The following PDE1A variants were observed in gnomAD, a reference collection of about 807,000 sequenced individuals.
PDE1A encodes the protein dual specificity calcium/calmodulin-dependent 3',5'-cyclic nucleotide phosphodiesterase 1A.
A neutral mutation model predicts 61.7 loss-of-function variants in PDE1A; 35 were observed. The observed-to-expected ratio is 0.57, with a 90% CI of 0.43 to 0.75. The LOEUF is 0.75. Ranked by LOEUF, PDE1A falls within the 30% of genes least tolerant of loss-of-function variation. The probability of loss-of-function intolerance (pLI) is 0.00; values close to 1 mark genes in which losing one functional copy is unlikely to be tolerated. For synonymous variants in PDE1A, 232 were observed against 213.2 expected (o/e 1.09, Z -0.77); for missense variants, 597 against 630.6 (o/e 0.95, Z 0.57).
upstream of PDE1A, among the ~76,000 whole-genome samples, chr2:182,430,007 T>A (rs1005550879): frequency 6.6e-6 from 1 of 152,174 alleles, no homozygotes; most frequent in Non-Finnish European, 1.5e-5. Context: ...ACAAGTTATA[T>A]ATTTTAATGA....
intron 2 of PDE1A, among the ~76,000 whole-genome samples, chr2:182,456,035 A>T (rs779504199): frequency 6.6e-6 from 1 of 152,272 alleles, no homozygotes; most frequent in Middle Eastern, 3.4e-3. Flanking sequence ...TATTCAAATT[A>T]ACTCAAGAAA....
At chr2:182,315,359 G>C (rs1696270432) in intron 1 of PDE1A, among the ~76,000 whole-genome samples, 1 of 152,112 alleles carries the variant, frequency 6.6e-6, no homozygotes, top group Non-Finnish European at 1.5e-5. Flanking sequence ...TGAAGCTATT[G>C]ACACAGAGTT....
At chr2:182,248,183 G>A (rs1574141386) in intron 2 of PDE1A, among the ~76,000 whole-genome samples, 2 of 146,158 alleles carry the variant, frequency 1.4e-5, no homozygotes, top group East Asian at 4.0e-4. Context: ...CTTGAACCCA[G>A]AACCAGAGGT....
intron 2 of PDE1A, among the ~76,000 whole-genome samples, chr2:182,465,958 A>G (rs1447226433): frequency 6.6e-6 from 1 of 152,086 alleles, no homozygotes; most frequent in Admixed American, 6.6e-5. Context: ...AATAAATAAA[A>G]TTACATAAAT....
the PDE1A span, among the ~76,000 whole-genome samples, chr2:182,627,780 T>C: frequency 6.6e-6 from 1 of 151,630 alleles, no homozygotes; most frequent in African/African-American, 2.4e-5. Context: ...CCATCTCTAC[T>C]AAAAATACAA....
chr2:182,416,669 T>G lies in PDE1A; in HGVS notation c.53+9909A>C, dbSNP rs146991902. Among the ~76,000 whole-genome samples, 1,218 of 152,300 alleles carry G rather than the reference T, an allele frequency of 8.0e-3. 7 individuals carry two copies. Among genetic ancestry groups the G allele is most frequent in the Middle Eastern group, 0.024 (7 of 294 alleles). ...AATTAAAGGAGGAGAAAAGACTAGC[T>G]GAAGCACAGTGAATTTCAGAAAAAT... On this transcript the variant is annotated intron_variant, in intron 1 of 13. Coordinates refer to ENST00000351439, the Ensembl canonical transcript of PDE1A.
chr2:182,688,948 T>C, the PDE1A span, among the ~76,000 whole-genome samples: 1 of 152,060 alleles, frequency 6.6e-6, no homozygotes, highest in South Asian at 2.1e-4. Context: ...TACATAATGA[T>C]AAAGGGATCA....
intron 1 of PDE1A, among the ~76,000 whole-genome samples, chr2:182,363,370 T>C (rs924436235): frequency 6.6e-5 from 10 of 151,954 alleles, no homozygotes; most frequent in Middle Eastern, 3.4e-3. Context: ...AGAGAGAATA[T>C]AAATACAATG....
chr2:182,697,917 A>T, the PDE1A span, among the ~76,000 whole-genome samples: 2 of 152,202 alleles, frequency 1.3e-5, no homozygotes, highest in Non-Finnish European at 2.9e-5. Flanking sequence ...AAATCCCACT[A>T]TGTCATTCCA....
At chr2:182,304,057 TG>T (rs1222061768) in intron 1 of PDE1A, among the ~76,000 whole-genome samples, 2 of 152,094 alleles carry the variant, frequency 1.3e-5, no homozygotes, top group Non-Finnish European at 2.9e-5. Flanking sequence ...TGTGCCACCA[TG>T]ACCAGCTAAT....
chr2:182,461,826 C>T (rs79796646), intron 2 of PDE1A, among the ~76,000 whole-genome samples: 1,654 of 152,204 alleles, frequency 0.011, 29 homozygotes, highest in African/African-American at 0.038. Context: ...AAGCCTCATC[C>T]TCATGGTGTA....
chr2:182,682,972 TTTA>T, the PDE1A span, among the ~76,000 whole-genome samples: 4 of 152,336 alleles, frequency 2.6e-5, no homozygotes, highest in Non-Finnish European at 4.4e-5. Flanking sequence ...TTGTGTGAGT[TTTA>T]TGTTTCTAAC....
chr2:182,522,554 A>T, intron 1 of PDE1A: 1 of 1,423,002 alleles, frequency 7.0e-7, no homozygotes, highest in Non-Finnish European at 9.2e-7. Context: ...TGACAGGCAT[A>T]TATCCACTGC....
At chr2:182,488,272 A>G (rs1470339443) in intron 2 of PDE1A, among the ~76,000 whole-genome samples, 69 of 152,338 alleles carry the variant, frequency 4.5e-4, no homozygotes, top group Non-Finnish European at 1.3e-4. Context: ...TAAAATGACT[A>G]TAGCACTTGA....
At chr2:182,575,993 C>T in the PDE1A span, among the ~76,000 whole-genome samples, 3 of 147,932 alleles carry the variant, frequency 2.0e-5, no homozygotes, top group Non-Finnish European at 3.0e-5. Context: ...TTAATTAGTA[C>T]TATATTAAGA....
At chr2:182,606,600 T>C in the PDE1A span, among the ~76,000 whole-genome samples, 1 of 151,112 alleles carries the variant, frequency 6.6e-6, no homozygotes, top group South Asian at 2.1e-4. Flanking sequence ...ATCCATGCCC[T>C]GTGGATGTTA....
At chr2:182,200,299 T>A (rs1370395804) in intron 10 of PDE1A, among the ~76,000 whole-genome samples, 1 of 152,142 alleles carries the variant, frequency 6.6e-6, no homozygotes, top group Non-Finnish European at 1.5e-5. Context: ...TAGGGCCTGG[T>A]CACCAGAAAC....
chr2:182,336,962 T>A (rs1448056256), intron 1 of PDE1A, among the ~76,000 whole-genome samples: 22 of 19,182 alleles, frequency 1.1e-3, no homozygotes, highest in East Asian at 0.011. Context: ...ATGTATCCCT[T>A]TTTTTTTTTT....
chr2:182,493,306 A>C (rs1183586009), intron 2 of PDE1A, among the ~76,000 whole-genome samples: 3 of 145,946 alleles, frequency 2.1e-5, no homozygotes, highest in Non-Finnish European at 4.5e-5. Flanking sequence ...TATATACTTT[A>C]AGTTCTAGGG....
Sources: gnomAD v4.1 joint callset for allele counts (sites outside exome capture counted in the v4.1 genomes callset) on GRCh38, gnomAD v4.1.1 for gene constraint, MANE v1.5 for transcripts, NCBI Gene and HGNC (gene_info 2026-07-23, HGNC 2026-07-21) for gene names.